ZBTB7C: variants seen among roughly 807,000 people sequenced by gnomAD.
The protein encoded by ZBTB7C is zinc finger and BTB domain containing 7C.
ZBTB7C carries 8 observed loss-of-function variants against 25.7 expected under a neutral mutation model. That is an observed-to-expected ratio of 0.31 (90% CI 0.18 to 0.56). ZBTB7C has a LOEUF of 0.56. ZBTB7C is among the 20% of genes least tolerant of loss of function. ZBTB7C has a pLI of 0.91. For missense variants in ZBTB7C, 824 were observed against 855.2 expected, an observed-to-expected ratio of 0.96 and a Z score of 0.46; for synonymous variants, 394 against 369.0, an observed-to-expected ratio of 1.07 and a Z score of -0.78.
At chr18:48,356,361 C>A (rs942303731) in intron 1 of ZBTB7C, among the ~76,000 whole-genome samples, 1 of 152,192 alleles carries the variant, frequency 6.6e-6, no homozygotes, top group African/African-American at 2.4e-5. Context: ...AAAGGGCTCT[C>A]CTGTTCAACA....
At chr18:48,324,048 A>G (rs766609246) in intron 2 of ZBTB7C, among the ~76,000 whole-genome samples, 1 of 152,172 alleles carries the variant, frequency 6.6e-6, no homozygotes, top group Non-Finnish European at 1.5e-5. Context: ...ACAGGAAGGC[A>G]CCATCTATGA....
intron 2 of ZBTB7C, among the ~76,000 whole-genome samples, chr18:48,229,434 C>G (rs960665571): frequency 2.0e-5 from 3 of 152,182 alleles, no homozygotes; most frequent in Non-Finnish European, 4.4e-5. Flanking sequence ...TTTCCCAGCT[C>G]TAAGGAGAAA....
chr18:48,105,717 G>A (rs774689989), intron 3 of ZBTB7C, among the ~76,000 whole-genome samples: 7 of 152,174 alleles, frequency 4.6e-5, no homozygotes, highest in Non-Finnish European at 1.0e-4. Context: ...TGTGGGGAGA[G>A]TTGCTGCTGA....
chr18:48,265,040 G>A (rs1286777407), intron 2 of ZBTB7C, among the ~76,000 whole-genome samples: 1 of 152,204 alleles, frequency 6.6e-6, no homozygotes, highest in Admixed American at 6.5e-5. Flanking sequence ...CTGCCTTCTA[G>A]TCCTGGTGGT....
intron 2 of ZBTB7C, among the ~76,000 whole-genome samples, chr18:48,279,404 C>T (rs532749789): frequency 6.6e-6 from 1 of 152,332 alleles, no homozygotes; most frequent in South Asian, 2.1e-4. Context: ...CACAAAGCTT[C>T]AGGCAAGTCT....
At chr18:48,149,158 G>C (rs781261083) in intron 3 of ZBTB7C, 1 of 150,148 alleles carries the variant, frequency 6.7e-6, no homozygotes, top group Non-Finnish European at 1.5e-5. Context: ...GTGCACGCAC[G>C]TGTGTGCGAG....
chr18:48,195,597 C>T (rs2042300579), intron 2 of ZBTB7C, among the ~76,000 whole-genome samples: 1 of 152,166 alleles, frequency 6.6e-6, no homozygotes, highest in Non-Finnish European at 1.5e-5. Context: ...TCTTTATTAG[C>T]AGTGTGAGAA....
At chr18:48,395,989 C>T (rs2048021982) in intron 1 of ZBTB7C, among the ~76,000 whole-genome samples, 2 of 152,170 alleles carry the variant, frequency 1.3e-5, no homozygotes, top group South Asian at 4.1e-4. Flanking sequence ...CAGAATCTGT[C>T]ACAAGAAATT....
At chr18:48,190,898 C>A (rs994406449) in intron 2 of ZBTB7C, among the ~76,000 whole-genome samples, 9 of 152,200 alleles carry the variant, frequency 5.9e-5, no homozygotes, top group African/African-American at 2.2e-4. Context: ...TCTGCACTAA[C>A]CTTTCTTGGG....
intron 1 of ZBTB7C, among the ~76,000 whole-genome samples, chr18:48,351,570 T>A (rs2046862981): frequency 1.3e-5 from 2 of 152,216 alleles, no homozygotes; most frequent in African/African-American, 4.8e-5. Context: ...GGGTTTCCAA[T>A]GGCCCAGCTG....
At chr18:48,257,618 C>T (rs1367251519) in intron 2 of ZBTB7C, among the ~76,000 whole-genome samples, 1 of 152,046 alleles carries the variant, frequency 6.6e-6, no homozygotes, top group African/African-American at 2.4e-5. Flanking sequence ...AAACTACAGA[C>T]TAATACCCTT....
At chr18:48,109,778 A>G (rs1046407392) in intron 3 of ZBTB7C, among the ~76,000 whole-genome samples, 4 of 152,186 alleles carry the variant, frequency 2.6e-5, no homozygotes, top group African/African-American at 4.8e-5. Context: ...AAAGGTATTT[A>G]TTAAAAAGGG....
At chr18:48,364,888 G>A (rs2047188196) in intron 1 of ZBTB7C, among the ~76,000 whole-genome samples, 1 of 152,114 alleles carries the variant, frequency 6.6e-6, no homozygotes, top group Non-Finnish European at 1.5e-5. Flanking sequence ...TTTCAAAATG[G>A]AGCATGTATC....
At chr18:48,113,445 G>T (rs1261324656) in intron 3 of ZBTB7C, among the ~76,000 whole-genome samples, 1 of 152,212 alleles carries the variant, frequency 6.6e-6, no homozygotes, top group African/African-American at 2.4e-5. Context: ...TCTGAATCAG[G>T]CTGGCCTGGA....
At chr18:48,377,703 G>A (rs76538703) in intron 1 of ZBTB7C, among the ~76,000 whole-genome samples, 4 of 152,330 alleles carry the variant, frequency 2.6e-5, no homozygotes, top group Non-Finnish European at 5.9e-5. Context: ...TTGGAAGCTG[G>A]AGATCAGATA....
intron 2 of ZBTB7C, among the ~76,000 whole-genome samples, chr18:48,308,781 T>A (rs1023243988): frequency 2.6e-5 from 4 of 152,190 alleles, no homozygotes; most frequent in Non-Finnish European, 5.9e-5. Flanking sequence ...ACCAGCAGCA[T>A]CAGCATCAAC....
chr18:48,093,520 C>A (rs1294887750), intron 3 of ZBTB7C, among the ~76,000 whole-genome samples: 1 of 152,080 alleles, frequency 6.6e-6, no homozygotes, highest in Non-Finnish European at 1.5e-5. Flanking sequence ...GAGGCCAGAG[C>A]AGAGACAGGG....
intron 2 of ZBTB7C, among the ~76,000 whole-genome samples, chr18:48,287,368 T>C (rs2045087375): frequency 6.6e-6 from 1 of 152,230 alleles, no homozygotes; most frequent in African/African-American, 2.4e-5. Context: ...AAGTGAACTC[T>C]AAGACAAATA....
At chr18:48,262,631 G>A (rs145633343) in intron 2 of ZBTB7C, among the ~76,000 whole-genome samples, 2 of 152,284 alleles carry the variant, frequency 1.3e-5, no homozygotes, top group African/African-American at 2.4e-5. Flanking sequence ...TCAGCATACA[G>A]GGAAATGTTA....
Sources: gnomAD v4.1 joint callset for allele counts (sites outside exome capture counted in the v4.1 genomes callset) on GRCh38, gnomAD v4.1.1 for gene constraint, MANE v1.5 for transcripts, NCBI Gene and HGNC (gene_info 2026-07-23, HGNC 2026-07-21) for gene names.